Variants in NLRP1 observed in about 807,000 individuals in gnomAD.
NLRP1 encodes the protein NLR family pyrin domain containing 1, also known as NACHT, LRR and PYD domains-containing protein 1.
NLRP1 carries 94 observed loss-of-function variants against 136.7 expected under a neutral mutation model. The observed-to-expected ratio is 0.69, with a 90% CI of 0.58 to 0.82. The LOEUF is 0.82. NLRP1 is among the 40% of genes least tolerant of loss of function. The pLI is 0.00. For missense variants in NLRP1, 1,575 were observed against 1,802.7 expected, an observed-to-expected ratio of 0.87 and a Z score of 2.29; for synonymous variants, 690 against 725.1, an observed-to-expected ratio of 0.95 and a Z score of 0.78.
chr17:5,521,358 C>G (rs983621005), intron 13 of NLRP1, among the ~76,000 whole-genome samples, 166 bp downstream of exon 13: 22 of 152,170 alleles, frequency 1.4e-4, no homozygotes, highest in African/African-American at 5.3e-4. Context: ...AGGCAGGAGA[C>G]CAGTCCAAGA....
intron 15 of NLRP1, among the ~76,000 whole-genome samples, chr17:5,507,247 T>G (rs1907391036): frequency 6.6e-6 from 1 of 152,210 alleles, no homozygotes; most frequent in South Asian, 2.1e-4. Flanking sequence ...TATAGATATA[T>G]TCAACTAAAA....
intron 5 of NLRP1, among the ~76,000 whole-genome samples, chr17:5,547,071 G>A (rs1389059570): frequency 6.6e-6 from 1 of 152,160 alleles, no homozygotes; most frequent in Non-Finnish European, 1.5e-5. Context: ...TTGGCAAGTC[G>A]TTAATTTCTC....
At chr17:5,580,601 T>C (rs1905530711) in intron 3 of NLRP1, among the ~76,000 whole-genome samples, 1 of 152,212 alleles carries the variant, frequency 6.6e-6, no homozygotes, top group South Asian at 2.1e-4. Context: ...ATGGAAACTT[T>C]ATTTATAGCA....
In NLRP1 at chr17:5,533,348, T is replaced by C. The variant is rs1248273800; in HGVS notation, c.3089A>G (p.Lys1030Arg). 6.9e-6 allele frequency: 10 copies of C among 1,441,900 alleles called. No homozygotes were observed. The highest frequency in any genetic ancestry group is 9.6e-6 in the Non-Finnish European group (10 of 1,047,066). 89.3% of individuals were successfully genotyped at this position (1,441,900 alleles called of 1,614,324 possible). A position where few individuals can be genotyped will look rare whatever the true frequency, so the allele number is the denominator to read the frequency against. The change falls in exon 10 of 17, where the codon AAA (lysine) becomes AGA (arginine). Residue 1030 changes from lysine (K) to arginine (R), a missense_variant. Lys to Arg is a conservative substitution (Grantham distance 26). Transcript: ENST00000572272. ...AASHVAQANL[K>R]LLDVSKIFPI... ...GAAGATCTTGCTCACGTCCAGGAGT[T>C]TGAGATTAGCCTGAGCAACATGGGA... is the stretch of plus-strand genomic sequence containing the variant.
chr17:5,569,024 T>C (rs1456530598), intron 3 of NLRP1, among the ~76,000 whole-genome samples: 1 of 152,086 alleles, frequency 6.6e-6, no homozygotes, highest in Non-Finnish European at 1.5e-5. Flanking sequence ...ACAGCCAAAC[T>C]AAGCCTTATA....
At position 5,581,864 on chromosome 17, in the gene NLRP1, T is replaced by A. The variant is rs1905691392; in HGVS notation, c.647A>T (p.Tyr216Phe). 1.9e-6 allele frequency: 3 copies of A among 1,611,532 alleles called. No individual in the cohort carries two copies. The highest frequency in any genetic ancestry group is 2.5e-6 in the Non-Finnish European group (3 of 1,179,158). ...WPLDETSGIY[Y>F]TEIREREREK... is the part of the protein sequence containing the mutation. Reference sequence around the variant, plus strand: ...GGAGCTCAGTAGGGTCTCACCTGTGTAGTAAATTCCTGACGTTTCATCCAG... The same window carrying A: ...GGAGCTCAGTAGGGTCTCACCTGTGAAGTAAATTCCTGACGTTTCATCCAG... The change falls in exon 3 of 17, where the codon TAC becomes TTC. Residue 216 changes from tyrosine (Y) to phenylalanine (F), a missense_variant. Tyr to Phe is a conservative substitution (Grantham distance 22, BLOSUM62 3). Transcript: ENST00000572272.
chr17:5,507,885 C>A lies in NLRP1; in HGVS notation c.4070-6013G>T, dbSNP rs375266856. On this transcript the variant is annotated intron_variant, in intron 15 of 15. Transcript: ENST00000262467. ...GCGCAGTGGCTCACACCTGTAATCC[C>A]AGCACTTCGGGAGGCTTAGGTGGGC... is the stretch of plus-strand genomic sequence containing the variant. Among the ~76,000 whole-genome samples the A allele has an allele frequency of 1.8e-3, 280 of 152,184 alleles. 4 individuals are homozygous for A. Among genetic ancestry groups the A allele is most frequent in the African/African-American group, 6.4e-3 (265 of 41,546 alleles).
Position 5,556,875 on chromosome 17 carries a change from C to T in NLRP1, c.2357+1464G>A, listed in dbSNP as rs538670040. On this transcript the variant is annotated intron_variant, in intron 4 of 16. Coordinates refer to ENST00000572272, the MANE Select transcript of NLRP1 (RefSeq NM_033004.4). ...CTGACCTCAGGTGATCCACCTGCCT[C>T]GGCCTCCCAAAGTGCTGGGATTACA... is the stretch of plus-strand genomic sequence containing the variant. Among the ~76,000 whole-genome samples, 14 of 152,122 alleles carry T rather than the reference C, an allele frequency of 9.2e-5. No homozygotes were observed. In the South Asian group the frequency reaches 1.9e-3, roughly 20 times the overall value.
At chr17:5,569,391 A>G (rs1293406166) in intron 3 of NLRP1, among the ~76,000 whole-genome samples, 5 of 152,170 alleles carry the variant, frequency 3.3e-5, no homozygotes, top group Admixed American at 3.3e-4. Flanking sequence ...CTCACATGCA[A>G]TGACATTCAT....
chr17:5,509,168 C>T (rs1567625432), downstream of NLRP1, among the ~76,000 whole-genome samples: 1 of 152,238 alleles, frequency 6.6e-6, no homozygotes, highest in East Asian at 1.9e-4. Flanking sequence ...CCTTCAAGTT[C>T]TCTCCAACAG....
intron 8 of NLRP1, among the ~76,000 whole-genome samples, chr17:5,535,965 C>T (rs1030063759): frequency 6.6e-6 from 1 of 152,000 alleles, no homozygotes; most frequent in African/African-American, 2.4e-5. Flanking sequence ...CGAGGATGGT[C>T]TTTTTCCCAG....
chr17:5,519,956 A>T (rs2151740188), intron 14 of NLRP1, among the ~76,000 whole-genome samples: 1 of 143,670 alleles, frequency 7.0e-6, no homozygotes, highest in East Asian at 2.0e-4. Flanking sequence ...TCCCAGGTTC[A>T]AGTGATTCTC....
intron 3 of NLRP1, among the ~76,000 whole-genome samples, chr17:5,581,061 G>A (rs995781784): frequency 6.6e-6 from 1 of 152,090 alleles, no homozygotes; most frequent in South Asian, 2.1e-4. Flanking sequence ...GGCCATATAC[G>A]ACCACAAAAT....
chr17:5,543,200 T>C (rs1021664168), intron 5 of NLRP1, among the ~76,000 whole-genome samples: 3 of 151,984 alleles, frequency 2.0e-5, no homozygotes, highest in Non-Finnish European at 1.5e-5. Context: ...TTAGTAAGTA[T>C]GTAGTAAATA....
intron 12 of NLRP1, among the ~76,000 whole-genome samples, chr17:5,528,465 C>CA (rs1909835901): frequency 6.6e-6 from 1 of 152,206 alleles, no homozygotes; most frequent in African/African-American, 2.4e-5. Flanking sequence ...ACTGTTCAAC[C>CA]AGGTGCCCCA....
In NLRP1 at chr17:5,584,093, T is replaced by C. The variant is rs1176087901; in HGVS notation, c.-136A>G. On this transcript the variant is annotated 5_prime_UTR_variant, in exon 1 of 17. Coordinates refer to ENST00000572272, the MANE Select transcript of NLRP1 (RefSeq NM_033004.4). Reference sequence around the variant, plus strand: ...AGCATTCGGAACCCAGTTTTATAAATCCCAGGGCACCTACAGATAGACGCC... The same window carrying C: ...AGCATTCGGAACCCAGTTTTATAAACCCCAGGGCACCTACAGATAGACGCC... 1 of 851,840 alleles carries C rather than the reference T, an allele frequency of 1.2e-6. No individual in the cohort carries two copies. The highest frequency in any genetic ancestry group is 1.8e-6 in the Non-Finnish European group (1 of 564,672). The allele number at this position is 851,840 out of a possible 1,614,324, so 52.8% of individuals were successfully genotyped here.
At chr17:5,532,697 G>C in intron 11 of NLRP1, 125 bp downstream of exon 11, 2 of 729,626 alleles carry the variant, frequency 2.7e-6, no homozygotes, top group South Asian at 2.4e-5. Flanking sequence ...GTCTTGGCAA[G>C]AGGAGGGGAC....
In NLRP1 at chr17:5,539,470, C is replaced by A. The variant is rs61754791; in HGVS notation, c.2815G>T (p.Val939Leu). 59 of 1,614,126 alleles carry A rather than the reference C, an allele frequency of 3.7e-5. 1 individual carries two copies. The highest frequency in any genetic ancestry group is 3.1e-4 in the African/African-American group (23 of 75,026). ...LQQNNLDDVG[V>L]RLLCEGLRHP... is the part of the protein sequence containing the mutation. Reference sequence around the variant, plus strand: ...CTGAGCCCCTCACAGAGCAGTCGCACGCCAACGTCATCCAGGTTGTTCTGC... The same window carrying A: ...CTGAGCCCCTCACAGAGCAGTCGCAAGCCAACGTCATCCAGGTTGTTCTGC... Residue 939 changes from valine to leucine, a missense_variant, in exon 7 of 17, where the codon GTG (valine) becomes TTG (leucine). Val to Leu is a conservative substitution (Grantham distance 32). Coordinates refer to ENST00000572272, the MANE Select transcript of NLRP1 (RefSeq NM_033004.4).
intron 5 of NLRP1, among the ~76,000 whole-genome samples, chr17:5,543,296 G>A (rs9889625): frequency 0.29 from 43,583 of 152,146 alleles, 7,983 homozygotes; most frequent in Non-Finnish European, 0.4. Flanking sequence ...GGGTGGAAAC[G>A]GTGAAACTTA....
Sources: gnomAD v4.1 joint callset for allele counts (sites outside exome capture counted in the v4.1 genomes callset) on GRCh38, gnomAD v4.1.1 for gene constraint, MANE v1.5 for transcripts, NCBI Gene and HGNC (gene_info 2026-07-23, HGNC 2026-07-21) for gene names.